ANXA8: variants seen among roughly 807,000 people sequenced by gnomAD.
ANXA8 encodes the protein VAC-beta.
A neutral mutation model predicts 26.8 loss-of-function variants in ANXA8; 9 were observed. The observed-to-expected ratio is 0.34, with a 90% confidence interval of 0.20 to 0.59. The LOEUF is 0.59. Ranked by LOEUF, ANXA8 falls within the 20% of genes least tolerant of loss-of-function variation. The pLI is 0.84. For missense variants in ANXA8, 83 were observed against 238.5 expected (o/e 0.35, Z 4.29); for synonymous variants, 39 against 94.8 (o/e 0.41, Z 3.42).
chr10:47,656,335 C>T, the ANXA8 span, among the ~76,000 whole-genome samples: 2 of 151,184 alleles, frequency 1.3e-5, no homozygotes, highest in African/African-American at 4.9e-5. Flanking sequence ...GAAGTTGAGG[C>T]TGCAGTGAGC....
chr10:47,488,707 T>C (rs1251141028), upstream of ANXA8, among the ~76,000 whole-genome samples: 29 of 132,926 alleles, frequency 2.2e-4, no homozygotes, highest in African/African-American at 7.0e-4. Flanking sequence ...GAATTTTACA[T>C]GTTAAATTTT....
the ANXA8 span, among the ~76,000 whole-genome samples, chr10:47,776,083 G>T: frequency 1.6e-4 from 24 of 152,094 alleles, no homozygotes; most frequent in African/African-American, 5.8e-4. Context: ...GGTGGAAAGA[G>T]CTGGCAGAGC....
At chr10:47,939,853 C>T in the ANXA8 span, among the ~76,000 whole-genome samples, 1 of 140,314 alleles carries the variant, frequency 7.1e-6, no homozygotes, top group Non-Finnish European at 1.5e-5. Flanking sequence ...CTTGACTCTC[C>T]CACTCAGCGG....
chr10:47,684,055 G>T, the ANXA8 span, among the ~76,000 whole-genome samples: 1 of 151,938 alleles, frequency 6.6e-6, no homozygotes, highest in Non-Finnish European at 1.5e-5. Flanking sequence ...GATTATGGTT[G>T]TATTGGTTTT....
At chr10:47,591,654 G>C in the ANXA8 span, among the ~76,000 whole-genome samples, 4 of 141,902 alleles carry the variant, frequency 2.8e-5, no homozygotes, top group African/African-American at 1.2e-4. Context: ...CACTGTGTTA[G>C]CCAGGATGAT....
the ANXA8 span, among the ~76,000 whole-genome samples, chr10:47,953,474 T>C: frequency 3.3e-5 from 5 of 150,950 alleles, no homozygotes; most frequent in Admixed American, 6.6e-5. Flanking sequence ...TTAGTGGAAA[T>C]TCAGGATTAA....
the ANXA8 span, chr10:47,690,985 A>T: frequency 2.4e-5 from 39 of 1,611,160 alleles, no homozygotes; most frequent in South Asian, 4.4e-5. Context: ...TAAGAGTATT[A>T]AAAAAATCAT....
At chr10:47,698,712 C>T in the ANXA8 span, among the ~76,000 whole-genome samples, 1 of 152,328 alleles carries the variant, frequency 6.6e-6, no homozygotes, top group South Asian at 2.1e-4. Flanking sequence ...TGTAGTGGTG[C>T]ACACCTGTAG....
the ANXA8 span, among the ~76,000 whole-genome samples, chr10:47,951,811 C>CAAAAAAAAA: frequency 3.2e-5 from 3 of 94,554 alleles, no homozygotes; most frequent in East Asian, 6.7e-4. Context: ...ACTCTGTCTC[C>CAAAAAAAAA]AAAAAAAAAA....
At chr10:47,626,925 G>T in the ANXA8 span, among the ~76,000 whole-genome samples, 2 of 149,504 alleles carry the variant, frequency 1.3e-5, no homozygotes, top group Non-Finnish European at 2.9e-5. Context: ...ATTGGAAGGG[G>T]GTATGTTTTA....
the ANXA8 span, among the ~76,000 whole-genome samples, chr10:47,671,910 T>A: frequency 6.6e-6 from 1 of 151,830 alleles, no homozygotes; most frequent in Non-Finnish European, 1.5e-5. Flanking sequence ...GCCCAATTGG[T>A]TTCTTTTAAA....
chr10:47,546,054 T>C, the ANXA8 span, among the ~76,000 whole-genome samples: 1 of 88,170 alleles, frequency 1.1e-5, no homozygotes, highest in Non-Finnish European at 2.2e-5. Flanking sequence ...ACCTGGCCCT[T>C]ACCTAAGAAA....
the ANXA8 span, among the ~76,000 whole-genome samples, chr10:47,982,507 G>A: frequency 1.4e-5 from 2 of 142,018 alleles, no homozygotes; most frequent in African/African-American, 5.1e-5. Flanking sequence ...TGGGACAACC[G>A]GATTTCCACA....
the ANXA8 span, among the ~76,000 whole-genome samples, chr10:47,982,475 A>G: frequency 2.0e-5 from 3 of 147,478 alleles, no homozygotes; most frequent in East Asian, 2.0e-4. Flanking sequence ...GAGGATTAAA[A>G]AAAAGCCTTA....
the ANXA8 span, among the ~76,000 whole-genome samples, chr10:47,557,910 GTTTTC>G: frequency 1.3e-5 from 2 of 151,876 alleles, no homozygotes; most frequent in African/African-American, 2.4e-5. Flanking sequence ...GAGCTGGTTT[GTTTTC>G]TTCATCACTG....
At chr10:47,628,282 G>A in the ANXA8 span, among the ~76,000 whole-genome samples, 16 of 152,224 alleles carry the variant, frequency 1.1e-4, no homozygotes, top group East Asian at 1.5e-3. Flanking sequence ...AATCATATAC[G>A]TACCTTTTTT....
the ANXA8 span, among the ~76,000 whole-genome samples, chr10:47,656,042 C>T: frequency 6.6e-6 from 1 of 151,610 alleles, no homozygotes; most frequent in Non-Finnish European, 1.5e-5. Flanking sequence ...AACTTTTGCT[C>T]AAAGGCAGGT....
chr10:47,535,095 C>T, the ANXA8 span, among the ~76,000 whole-genome samples: 1 of 123,040 alleles, frequency 8.1e-6, no homozygotes, highest in Non-Finnish European at 1.6e-5. Context: ...CGGACTCAGT[C>T]TCCCGGGTAG....
At chr10:47,676,477 A>C in the ANXA8 span, among the ~76,000 whole-genome samples, 1 of 151,916 alleles carries the variant, frequency 6.6e-6, no homozygotes, top group Non-Finnish European at 1.5e-5. Flanking sequence ...AATAAAAGAC[A>C]CATTAGTTAT....
Sources: allele counts gnomAD v4.1 joint callset (sites outside exome capture counted in the v4.1 genomes callset), GRCh38; gene constraint gnomAD v4.1.1; transcripts MANE v1.5; gene names NCBI Gene and HGNC (gene_info 2026-07-23, HGNC 2026-07-21).